Variants in LRRC8D observed in about 807,000 individuals in gnomAD.
The protein encoded by LRRC8D is leucine rich repeat containing 8 VRAC subunit D, also known as volume-regulated anion channel subunit LRRC8D.
LRRC8D carries 20 observed loss-of-function variants against 55.8 expected under a neutral mutation model. That is an observed-to-expected ratio of 0.36 (90% CI 0.25 to 0.52). The LOEUF is 0.52. LRRC8D is among the 20% of genes least tolerant of loss of function. The pLI is 0.93. For synonymous variants in LRRC8D, 352 were observed against 377.0 expected (o/e 0.93, Z 0.77); for missense variants, 651 against 1,030.8 (o/e 0.63, Z 5.05).
intron 2 of LRRC8D, among the ~76,000 whole-genome samples, chr1:89,878,787 G>A (rs1444523558): frequency 6.6e-6 from 1 of 152,040 alleles, no homozygotes; most frequent in Non-Finnish European, 1.5e-5. Flanking sequence ...ACAACATGGT[G>A]AAACCCTGTC....
chr1:89,928,263 G>T (rs1570897293), intron 2 of LRRC8D, among the ~76,000 whole-genome samples: 1 of 152,096 alleles, frequency 6.6e-6, no homozygotes, highest in Non-Finnish European at 1.5e-5. Flanking sequence ...TGGAGACGGG[G>T]TTTCACCATG....
rs1485361075 is a variant in LRRC8D at position 89,860,301 on chromosome 1, C to T, written c.-3+16519C>T. On this transcript the variant is annotated intron_variant, in intron 2 of 2. Coordinates refer to ENST00000337338, the MANE Select transcript of LRRC8D (RefSeq NM_001134479.2). ...AGATCAATAGCATTTTAAACTAAAT[C>T]TTTTATGCGAAAAGTTAATTAAGGC... Among the ~76,000 whole-genome samples the T allele has an allele frequency of 4.6e-5, 7 of 152,312 alleles. No individual in the cohort carries two copies. The South Asian group carries it at 1.5e-3, about 32-fold the overall frequency.
intron 2 of LRRC8D, among the ~76,000 whole-genome samples, chr1:89,922,385 A>G (rs1204740613): frequency 1.3e-5 from 2 of 152,192 alleles, no homozygotes; most frequent in Non-Finnish European, 2.9e-5. Context: ...ACTTAAATAC[A>G]TCTAAAAGAA....
In LRRC8D at chr1:89,843,789, G is replaced by A. The variant is rs906489767; in HGVS notation, c.-3+7G>A. 5 of 675,192 alleles carry A rather than the reference G, an allele frequency of 7.4e-6. No homozygotes were observed. Among genetic ancestry groups the A allele is most frequent in the Non-Finnish European group, 1.4e-5 (5 of 369,424 alleles). 41.8% of individuals were successfully genotyped at this position (675,192 alleles called of 1,614,324 possible). A position where few individuals can be genotyped will look rare whatever the true frequency, so the allele number is the denominator to read the frequency against. On this transcript the variant is annotated splice_region_variant and intron_variant, in intron 2 of 2. Coordinates refer to ENST00000337338, the MANE Select transcript of LRRC8D (RefSeq NM_001134479.2). ...GGGTGGCCGCTTGGTCCAGGTGCGC[G>A]GGGTCGGGTCTGGGTCCAGGGAGCG...
chr1:89,854,576 C>T (rs563090158), intron 2 of LRRC8D, among the ~76,000 whole-genome samples: 10 of 152,274 alleles, frequency 6.6e-5, no homozygotes, highest in Non-Finnish European at 1.0e-4. Flanking sequence ...TAATGGAAGA[C>T]GGGGAGTTCT....
At chr1:89,860,250 A>G (rs1358475590) in intron 2 of LRRC8D, among the ~76,000 whole-genome samples, 1 of 152,242 alleles carries the variant, frequency 6.6e-6, no homozygotes, top group African/African-American at 2.4e-5. Context: ...AAGAAAGGAA[A>G]ACCTCAACAC....
intron 2 of LRRC8D, among the ~76,000 whole-genome samples, chr1:89,875,528 A>C (rs1387646989): frequency 6.6e-6 from 1 of 152,198 alleles, no homozygotes; most frequent in African/African-American, 2.4e-5. Context: ...AAGTGCTAAT[A>C]ACAAAATTAA....
chr1:89,828,444 T>C (rs1660813354), intron 1 of LRRC8D, among the ~76,000 whole-genome samples: 1 of 152,246 alleles, frequency 6.6e-6, no homozygotes, highest in South Asian at 2.1e-4. Flanking sequence ...TATTCAATTA[T>C]AAGAGTCTGG....
At position 89,865,049 on chromosome 1, in the gene LRRC8D, A is replaced by G. The variant is rs910473950; in HGVS notation, c.-3+21267A>G. On this transcript the variant is annotated intron_variant, in intron 2 of 2. Transcript: ENST00000337338. ...TTCCATAGAACATTTTACATCTCCA[A>G]CATTTCACTTATTACATTGATTTGC... is the stretch of plus-strand genomic sequence containing the variant. 3.9e-5 allele frequency among the ~76,000 whole-genome samples: 6 copies of G among 152,080 alleles called. No homozygotes were observed. In the South Asian group the frequency reaches 6.2e-4, roughly 16 times the overall value.
rs1660799415 is a variant in LRRC8D at position 89,827,805 on chromosome 1, G to C, written c.-148+6514G>C. Among the ~76,000 whole-genome samples the C allele has an allele frequency of 2.6e-5, 4 of 152,178 alleles. No individual in the cohort carries two copies. In the South Asian group the frequency reaches 8.3e-4, roughly 32 times the overall value. On this transcript the variant is annotated intron_variant, in intron 1 of 2. Transcript: ENST00000337338. ...TTTTCTAGTGCCTTGCACGTGGCAG[G>C]CCCTCTATTAGTATTTGTCACCCAG...
chr1:89,902,337 G>C (rs1662879872), intron 2 of LRRC8D, among the ~76,000 whole-genome samples: 1 of 151,992 alleles, frequency 6.6e-6, no homozygotes, highest in Non-Finnish European at 1.5e-5. Flanking sequence ...GTGGACTGTT[G>C]GCTGTTTCCC....
intron 2 of LRRC8D, among the ~76,000 whole-genome samples, chr1:89,880,658 T>C (rs982961792): frequency 6.6e-6 from 1 of 152,180 alleles, no homozygotes; most frequent in African/African-American, 2.4e-5. Context: ...AAGCAGCAAC[T>C]CTTGCCCAAC....
At chr1:89,837,498 A>C (rs1661028202) in intron 1 of LRRC8D, among the ~76,000 whole-genome samples, 1 of 152,252 alleles carries the variant, frequency 6.6e-6, no homozygotes, top group South Asian at 2.1e-4. Flanking sequence ...TGGTTAAAGT[A>C]GATTCTGGTC....
At chr1:89,845,645 C>T (rs1295786877) in intron 2 of LRRC8D, among the ~76,000 whole-genome samples, 6 of 152,122 alleles carry the variant, frequency 3.9e-5, no homozygotes, top group Admixed American at 1.3e-4. Context: ...CCATGTTGGC[C>T]AGGCTGGTCT....
At chr1:89,875,364 A>G (rs964878165) in intron 2 of LRRC8D, among the ~76,000 whole-genome samples, 2 of 152,238 alleles carry the variant, frequency 1.3e-5, no homozygotes, top group Non-Finnish European at 2.9e-5. Flanking sequence ...CATTTATTTT[A>G]TAGTTTTTGA....
intron 2 of LRRC8D, among the ~76,000 whole-genome samples, chr1:89,847,907 G>A (rs187426838): frequency 6.6e-6 from 1 of 152,182 alleles, no homozygotes; most frequent in Non-Finnish European, 1.5e-5. Context: ...TATATATGAG[G>A]TAGGGATTCA....
intron 1 of LRRC8D, among the ~76,000 whole-genome samples, chr1:89,841,160 T>C (rs1661121821): frequency 1.3e-5 from 2 of 152,178 alleles, no homozygotes; most frequent in Admixed American, 1.3e-4. Flanking sequence ...AGCTAGACCC[T>C]AAAAGGATGC....
chr1:89,860,259 A>C (rs563040965), intron 2 of LRRC8D, among the ~76,000 whole-genome samples: 1 of 152,222 alleles, frequency 6.6e-6, no homozygotes, highest in Non-Finnish European at 1.5e-5. Flanking sequence ...AAACCTCAAC[A>C]CTTTCTGATC....
intron 2 of LRRC8D, among the ~76,000 whole-genome samples, chr1:89,929,247 G>A (rs71666234): frequency 6.6e-6 from 1 of 152,188 alleles, no homozygotes; most frequent in Admixed American, 6.5e-5. Context: ...GGAGATCAGG[G>A]AAGGCTTTCT....
Sources: gnomAD v4.1 joint callset for allele counts (sites outside exome capture counted in the v4.1 genomes callset) on GRCh38, gnomAD v4.1.1 for gene constraint, MANE v1.5 for transcripts, NCBI Gene and HGNC (gene_info 2026-07-23, HGNC 2026-07-21) for gene names.